SUMO2: variants seen among roughly 807,000 people sequenced by gnomAD.
SUMO2 encodes small ubiquitin-related modifier 2.
A neutral mutation model predicts 16.0 loss-of-function variants in SUMO2; 1 was observed. The observed-to-expected ratio is 0.06, with a 90% CI of 0.02 to 0.30. SUMO2 has a LOEUF of 0.30. Among genes scored for constraint, SUMO2 ranks in the 10% least tolerant of loss-of-function variants. The pLI, the probability that SUMO2 is intolerant of heterozygous loss-of-function variation, is 1.00. For missense variants in SUMO2, 16 were observed against 117.5 expected (o/e 0.14, Z 3.99); for synonymous variants, 36 against 40.6 (o/e 0.89, Z 0.43).
intron 1 of SUMO2, 68 bp downstream of exon 1, chr17:75,182,746 G>C (rs933602759): frequency 8.0e-7 from 1 of 1,249,424 alleles, no homozygotes. Context: ...GGCGGGCTCT[G>C]GCCGGACCCC....
intron 3 of SUMO2, among the ~76,000 whole-genome samples, 175 bp downstream of exon 3, chr17:75,174,577 T>C (rs1235116705): frequency 6.6e-6 from 1 of 152,174 alleles, no homozygotes; most frequent in African/African-American, 2.4e-5. Context: ...ATAAAAACCA[T>C]TGGCATTTCC....
chr17:75,173,581 C>CCACTTCCTGGGCTCCA (rs1478145064), intron 3 of SUMO2, among the ~76,000 whole-genome samples: 1 of 151,096 alleles, frequency 6.6e-6, no homozygotes, highest in African/African-American at 2.4e-5. Context: ...CTCAAGCAAT[C>CCACTTCCTGGGCTCCA]CTTCCACCTC....
intron 3 of SUMO2, among the ~76,000 whole-genome samples, chr17:75,174,292 G>A (rs143190253): frequency 6.0e-4 from 91 of 152,330 alleles, no homozygotes; most frequent in African/African-American, 2.2e-3. Context: ...CTGGGAGGCT[G>A]AGGCAGGAGA....
intron 3 of SUMO2, among the ~76,000 whole-genome samples, chr17:75,169,666 AACCACTGC>A (rs1436533175): frequency 6.6e-6 from 1 of 151,974 alleles, no homozygotes; most frequent in African/African-American, 2.4e-5. Flanking sequence ...TATAGGCGTG[AACCACTGC>A]ACCCGGCCTA....
rs560170548 is a variant in SUMO2, at chr17:75,179,204, G to A, written c.153+1853C>T. Among the ~76,000 whole-genome samples, 4 of 152,104 alleles carry A rather than the reference G, an allele frequency of 2.6e-5. No individual in the cohort carries two copies. The South Asian group carries it at 6.2e-4, about 24-fold the overall frequency. On this transcript the variant is annotated intron_variant, in intron 2 of 3. Coordinates refer to ENST00000420826, the MANE Select transcript of SUMO2 (RefSeq NM_006937.4). ...TAACACAATTCATAAGTTCATGTAG[G>A]GTGATTTCAGCAAAATTCTTCAAAT...
intron 2 of SUMO2, 137 bp downstream of exon 2, chr17:75,180,920 G>T: frequency 1.0e-6 from 1 of 979,194 alleles, no homozygotes; most frequent in Non-Finnish European, 1.5e-6. Context: ...CCAAGTGCAC[G>T]ACAAAACTGA....
In SUMO2 at chr17:75,168,406, C is replaced by A; in HGVS notation, c.226-5G>T. ...ATCTTCATCCTCCATTTCCAACTAG[C>A]ATAAAAGAAAAAACAAATGTAAAAG... On this transcript the variant is annotated splice_region_variant and splice_polypyrimidine_tract_variant and intron_variant, in intron 3 of 3. Transcript: ENST00000420826. 2 of 1,603,134 alleles carry A rather than the reference C, an allele frequency of 1.2e-6. No homozygotes were observed. The highest frequency in any genetic ancestry group is 1.1e-5 in the South Asian group (1 of 88,710).
At chr17:75,171,232 A>G (rs893915085) in intron 3 of SUMO2, among the ~76,000 whole-genome samples, 1 of 151,702 alleles carries the variant, frequency 6.6e-6, no homozygotes, top group African/African-American at 2.4e-5. Context: ...CGGGTCAAGC[A>G]ATTCTCCTGC....
intron 1 of SUMO2, 49 bp from the exon 2 acceptor site, chr17:75,181,237 C>T: frequency 1.3e-6 from 2 of 1,598,030 alleles, no homozygotes; most frequent in Non-Finnish European, 1.7e-6. Context: ...GATCAACGAA[C>T]ACGTTTTATA....
intron 3 of SUMO2, 63 bp from the exon 4 acceptor site, chr17:75,168,464 G>A: frequency 1.4e-6 from 2 of 1,461,546 alleles, no homozygotes; most frequent in Non-Finnish European, 1.9e-6. Flanking sequence ...AATGATTTTT[G>A]GGTTTAAGTA....
chr17:75,178,904 G>A (rs543128120), intron 2 of SUMO2, among the ~76,000 whole-genome samples: 3 of 152,140 alleles, frequency 2.0e-5, no homozygotes, highest in South Asian at 4.1e-4. Context: ...GCAGTGAGCC[G>A]AGATTGCGCC....
intron 3 of SUMO2, among the ~76,000 whole-genome samples, chr17:75,169,387 T>A (rs1011357246): frequency 6.8e-6 from 1 of 147,478 alleles, no homozygotes; most frequent in African/African-American, 2.5e-5. Context: ...AAAAAAAAAT[T>A]TTTTTTTTTT....
At chr17:75,170,099 C>T (rs1373308205) in intron 3 of SUMO2, among the ~76,000 whole-genome samples, 1 of 151,464 alleles carries the variant, frequency 6.6e-6, no homozygotes, top group Non-Finnish European at 1.5e-5. Flanking sequence ...ATCACTTGAA[C>T]CCAGGAGGTG....
chr17:75,175,271 T>C (rs1006022578), intron 2 of SUMO2, among the ~76,000 whole-genome samples: 19 of 145,198 alleles, frequency 1.3e-4, no homozygotes, highest in Non-Finnish European at 6.1e-5. Context: ...GAGTGAGCCA[T>C]GGTGCCCAGC....
Position 75,166,944 on chromosome 17 carries a change from A to G in SUMO2, c.*1395T>C, listed in dbSNP as rs1160611086. On this transcript the variant is annotated 3_prime_UTR_variant, in exon 4 of 4. Transcript: ENST00000420826. ...ACCAAAAGAAACCCTAAGAAACAAA[A>G]ATTAAAATAATAAAGACTGTAGTGA... The G allele has an allele frequency of 6.6e-6, 1 of 151,814 alleles. No individual in the cohort carries two copies. Among genetic ancestry groups the G allele is most frequent in the Non-Finnish European group, 1.5e-5 (1 of 68,012 alleles). The allele number at this position is 151,814 out of a possible 1,614,324, so 9.4% of individuals were successfully genotyped here.
chr17:75,178,555 A>G (rs1273801652), intron 2 of SUMO2, among the ~76,000 whole-genome samples: 2 of 151,708 alleles, frequency 1.3e-5, no homozygotes, highest in African/African-American at 4.8e-5. Context: ...AAACCACCAA[A>G]CTGAAGCATG....
At chr17:75,174,988 A>T (rs1372329538) in intron 2 of SUMO2, among the ~76,000 whole-genome samples, 165 bp from the exon 3 acceptor site, 1 of 151,970 alleles carries the variant, frequency 6.6e-6, no homozygotes, top group Non-Finnish European at 1.5e-5. Context: ...GGTGATTTTC[A>T]TTTTCTTTTT....
At chr17:75,170,956 A>G (rs1293335099) in intron 3 of SUMO2, among the ~76,000 whole-genome samples, 1 of 151,540 alleles carries the variant, frequency 6.6e-6, no homozygotes, top group Non-Finnish European at 1.5e-5. Flanking sequence ...AAATGAAAAT[A>G]TCTTTAAGAT....
chr17:75,170,000 C>T (rs2074724371), intron 3 of SUMO2, among the ~76,000 whole-genome samples: 1 of 151,446 alleles, frequency 6.6e-6, no homozygotes, highest in Non-Finnish European at 1.5e-5. Flanking sequence ...ACTAAAAATA[C>T]AAAAAACAAA....
Sources: gnomAD v4.1 joint callset for allele counts (sites outside exome capture counted in the v4.1 genomes callset) on GRCh38, gnomAD v4.1.1 for gene constraint, MANE v1.5 for transcripts, NCBI Gene and HGNC (gene_info 2026-07-23, HGNC 2026-07-21) for gene names.